The following NTN1 variants were observed in gnomAD, a reference collection of about 807,000 sequenced individuals.
NTN1 encodes netrin 1.
In NTN1, 11 loss-of-function variants were observed where a neutral mutation model predicts 54.2. The ratio of observed to expected loss-of-function variants is 0.20; its 90% CI spans 0.13 to 0.34. The LOEUF (loss-of-function observed/expected upper bound fraction) is 0.34, where lower values mean the gene tolerates loss of function less well. NTN1 is among the 10% of genes least tolerant of loss of function. The probability of loss-of-function intolerance (pLI) is 1.00; values close to 1 mark genes in which losing one functional copy is unlikely to be tolerated. For synonymous variants in NTN1, 371 were observed against 382.0 expected, an observed-to-expected ratio of 0.97 and a Z score of 0.33; for missense variants, 740 against 893.1, an observed-to-expected ratio of 0.83 and a Z score of 2.18.
intron 2 of NTN1, among the ~76,000 whole-genome samples, chr17:9,141,832 C>A (rs1456120591): frequency 6.6e-6 from 1 of 151,996 alleles, no homozygotes; most frequent in Non-Finnish European, 1.5e-5. Flanking sequence ...GAAGCTGAGG[C>A]GGGTGGATCA....
chr17:9,163,953 T>TGG (rs2092366695), intron 3 of NTN1, among the ~76,000 whole-genome samples: 1 of 152,238 alleles, frequency 6.6e-6, no homozygotes, highest in African/African-American at 2.4e-5. Flanking sequence ...GGTCCTGACC[T>TGG]GGACTTGTGT....
chr17:9,201,503 G>A (rs1904784361), intron 5 of NTN1, among the ~76,000 whole-genome samples: 1 of 152,238 alleles, frequency 6.6e-6, no homozygotes, highest in Non-Finnish European at 1.5e-5. Context: ...AGGGGACTCA[G>A]GCGACTGTTC....
chr17:9,157,517 A>G (rs906025540), intron 2 of NTN1, among the ~76,000 whole-genome samples: 2 of 152,260 alleles, frequency 1.3e-5, no homozygotes, highest in African/African-American at 4.8e-5. Flanking sequence ...GGAAGAAAAT[A>G]GGAACCCACC....
intron 2 of NTN1, among the ~76,000 whole-genome samples, chr17:9,055,999 G>A (rs1019722018): frequency 3.3e-5 from 5 of 152,146 alleles, no homozygotes; most frequent in African/African-American, 9.7e-5. Flanking sequence ...CCAGACTCAG[G>A]TGATCCTCCT....
At chr17:9,194,863 C>A (rs994952884) in intron 5 of NTN1, among the ~76,000 whole-genome samples, 1 of 152,152 alleles carries the variant, frequency 6.6e-6, no homozygotes, top group African/African-American at 2.4e-5. Context: ...TAGGTCAAAC[C>A]GTGCGGAATT....
At chr17:9,095,340 A>G (rs571450888) in intron 2 of NTN1, among the ~76,000 whole-genome samples, 1 of 152,232 alleles carries the variant, frequency 6.6e-6, no homozygotes, top group Non-Finnish European at 1.5e-5. Context: ...TGTCATTTCA[A>G]TAAGAGGTTA....
At chr17:9,060,291 A>G (rs560197720) in intron 2 of NTN1, among the ~76,000 whole-genome samples, 4 of 152,190 alleles carry the variant, frequency 2.6e-5, no homozygotes, top group Admixed American at 6.5e-5. Context: ...TCTCTTCCTT[A>G]TGGTTTTCTT....
At chr17:9,226,767 G>A (rs565768962) in intron 6 of NTN1, among the ~76,000 whole-genome samples, 6 of 152,260 alleles carry the variant, frequency 3.9e-5, no homozygotes, top group Admixed American at 2.6e-4. Context: ...CTTCCTCTGC[G>A]AGGAGGCGGC....
At chr17:9,171,883 CT>C (rs11429901) in intron 3 of NTN1, 251 of 101,594 alleles carry the variant, frequency 2.5e-3, no homozygotes, top group African/African-American at 4.6e-3. Context: ...ATCAGGCTCA[CT>C]TTTTTTTTTT....
chr17:9,163,697 C>T (rs939161663), intron 3 of NTN1, among the ~76,000 whole-genome samples: 1 of 152,106 alleles, frequency 6.6e-6, no homozygotes, highest in Non-Finnish European at 1.5e-5. Context: ...TTGTTTTTCT[C>T]GTACCAACAA....
chr17:9,033,942 A>C (rs1191263560), intron 2 of NTN1, among the ~76,000 whole-genome samples: 1 of 151,850 alleles, frequency 6.6e-6, no homozygotes, highest in Non-Finnish European at 1.5e-5. Flanking sequence ...AAAGAAAAAG[A>C]AAAGAAAGAA....
intron 2 of NTN1, among the ~76,000 whole-genome samples, chr17:9,028,086 C>T (rs904795465): frequency 6.6e-6 from 1 of 151,938 alleles, no homozygotes; most frequent in African/African-American, 2.4e-5. Flanking sequence ...GATCACGCCA[C>T]TGTACTCCAG....
At chr17:9,117,807 C>T (rs900043685) in intron 2 of NTN1, among the ~76,000 whole-genome samples, 4 of 149,028 alleles carry the variant, frequency 2.7e-5, no homozygotes, top group Admixed American at 6.7e-5. Flanking sequence ...ATGTGCACGG[C>T]GTGTCATCCC....
At position 9,179,787 on chromosome 17, in the gene NTN1, C is replaced by T. The variant is rs2092412897; in HGVS notation, c.1208-20C>T. On this transcript the variant is annotated intron_variant, in intron 3 of 6. Coordinates refer to ENST00000173229, the MANE Select transcript of NTN1 (RefSeq NM_004822.3). Reference sequence around the variant, plus strand: ...GCCGCTTCCCCCTTGTCTGACCCTCCCATTTTGTGTTCTCTGCAGCCTGTG... The same window carrying T: ...GCCGCTTCCCCCTTGTCTGACCCTCTCATTTTGTGTTCTCTGCAGCCTGTG... The T allele has an allele frequency of 1.9e-6, 3 of 1,610,448 alleles. No homozygotes were observed. Among genetic ancestry groups the T allele is most frequent in the Non-Finnish European group, 2.5e-6 (3 of 1,178,336 alleles).
intron 4 of NTN1, among the ~76,000 whole-genome samples, chr17:9,181,576 T>G (rs2092419095): frequency 6.6e-6 from 1 of 152,222 alleles, no homozygotes; most frequent in Non-Finnish European, 1.5e-5. Flanking sequence ...GAGCAAGATT[T>G]GACCCCAAAT....
In NTN1 at chr17:9,182,805, G is replaced by A. The variant is rs1209813143; in HGVS notation, c.1358-111G>A. ...CAAGGAGTGGGAAACGGAGGGGAGG[G>A]TCCCAGGAAGTTGGGAGGAGTCTGT... is the stretch of plus-strand genomic sequence containing the variant. On this transcript the variant is annotated intron_variant, in intron 4 of 6. Coordinates refer to ENST00000173229, the MANE Select transcript of NTN1 (RefSeq NM_004822.3). The A allele has an allele frequency of 3.8e-6, 4 of 1,063,618 alleles. No homozygotes were observed. The Admixed American group carries it at 6.9e-5, about 18-fold the overall frequency. The allele number at this position is 1,063,618 out of a possible 1,614,324, so 65.9% of individuals were successfully genotyped here. A position where few individuals can be genotyped will look rare whatever the true frequency, so the allele number is the denominator to read the frequency against.
intron 5 of NTN1, among the ~76,000 whole-genome samples, chr17:9,200,952 C>T (rs903653811): frequency 6.6e-6 from 1 of 152,136 alleles, no homozygotes; most frequent in African/African-American, 2.4e-5. Flanking sequence ...TTCTGCAGCC[C>T]AAGTGAATGA....
chr17:9,066,708 G>A (rs1029367072), intron 2 of NTN1, among the ~76,000 whole-genome samples: 1 of 151,680 alleles, frequency 6.6e-6, no homozygotes, highest in Non-Finnish European at 1.5e-5. Context: ...TATTACAAAT[G>A]GCACGTTGTG....
the NTN1 span, among the ~76,000 whole-genome samples, chr17:9,004,925 G>A: frequency 6.6e-6 from 1 of 152,156 alleles, no homozygotes; most frequent in African/African-American, 2.4e-5. Flanking sequence ...CAGGTGTGTA[G>A]GGGAGATGGA....
Sources: allele counts gnomAD v4.1 joint callset (sites outside exome capture counted in the v4.1 genomes callset), GRCh38; gene constraint gnomAD v4.1.1; transcripts MANE v1.5; gene names NCBI Gene and HGNC (gene_info 2026-07-23, HGNC 2026-07-21).